The following RUFY1 variants were observed in gnomAD, a reference collection of about 807,000 sequenced individuals.
The protein encoded by RUFY1 is RUN and FYVE domain-containing protein 1.
A neutral mutation model predicts 94.6 loss-of-function variants in RUFY1; 54 were observed. That is an observed-to-expected ratio of 0.57 (90% confidence interval 0.46 to 0.72). The LOEUF (loss-of-function observed/expected upper bound fraction) is 0.72, where lower values mean the gene tolerates loss of function less well. RUFY1 is among the 30% of genes least tolerant of loss of function. RUFY1 has a pLI of 0.00. For missense variants in RUFY1, 883 were observed against 883.9 expected (o/e 1.00, Z 0.01); for synonymous variants, 396 against 347.3 (o/e 1.14, Z -1.56).
intron 1 of RUFY1, among the ~76,000 whole-genome samples, 187 bp downstream of exon 1, chr5:179,551,066 C>T (rs1378235648): frequency 1.3e-5 from 2 of 149,908 alleles, no homozygotes; most frequent in East Asian, 2.0e-4. Context: ...GACCGCCCCC[C>T]GCAGCCCCGC....
chr5:179,570,129 C>T (rs1469072594), intron 5 of RUFY1, among the ~76,000 whole-genome samples: 2 of 152,102 alleles, frequency 1.3e-5, no homozygotes, highest in Non-Finnish European at 1.5e-5. Context: ...CCACCCGCCT[C>T]GGCCTCCCAA....
chr5:179,589,420 C>T, intron 8 of RUFY1, 126 bp from the exon 9 acceptor site: 1 of 653,324 alleles, frequency 1.5e-6, no homozygotes, highest in Non-Finnish European at 2.7e-6. Context: ...CTATTGAAAA[C>T]AAGGAAATAA....
At chr5:179,572,247 G>A (rs1763278763) in intron 5 of RUFY1, 1 of 271,776 alleles carries the variant, frequency 3.7e-6, no homozygotes, top group Non-Finnish European at 7.5e-6. Context: ...GTGAAGCTGT[G>A]GGCTACAAAG....
chr5:179,571,270 A>T (rs1763205702), intron 5 of RUFY1, among the ~76,000 whole-genome samples: 1 of 152,146 alleles, frequency 6.6e-6, no homozygotes, highest in African/African-American at 2.4e-5. Context: ...CCAAGGTAGG[A>T]GGATCACTGG....
chr5:179,564,631 A>G (rs1762695284), intron 3 of RUFY1, among the ~76,000 whole-genome samples: 1 of 151,042 alleles, frequency 6.6e-6, no homozygotes, highest in Non-Finnish European at 1.5e-5. Flanking sequence ...AGATCACGCC[A>G]CCACTCCTGC....
intron 5 of RUFY1, among the ~76,000 whole-genome samples, chr5:179,573,576 G>A (rs1034396506): frequency 6.6e-6 from 1 of 151,480 alleles, no homozygotes; most frequent in Non-Finnish European, 1.5e-5. Context: ...AGGTTGAAGT[G>A]CAGTGGCATA....
At chr5:179,561,212 AAAAT>A (rs140332916) in intron 2 of RUFY1, among the ~76,000 whole-genome samples, 20,816 of 141,596 alleles carry the variant, frequency 0.15, 1,523 homozygotes, top group Middle Eastern at 0.19. Flanking sequence ...TTCCATCTCA[AAAAT>A]AAATAAATAA....
intron 6 of RUFY1, among the ~76,000 whole-genome samples, chr5:179,578,362 C>G (rs1763824238): frequency 6.6e-6 from 1 of 151,888 alleles, no homozygotes; most frequent in Non-Finnish European, 1.5e-5. Flanking sequence ...AACAGGCGTT[C>G]CCCATCATGC....
At chr5:179,565,684 C>T (rs10057868) in intron 3 of RUFY1, among the ~76,000 whole-genome samples, 62,085 of 151,870 alleles carry the variant, frequency 0.41, 13,147 homozygotes, top group East Asian at 0.73. Context: ...TTTGTTTAAC[C>T]CCGCCTTGTG....
chr5:179,603,234 C>A (rs1439415749), intron 15 of RUFY1, among the ~76,000 whole-genome samples: 1 of 150,152 alleles, frequency 6.7e-6, no homozygotes, highest in East Asian at 2.0e-4. Context: ...CACTGCACTC[C>A]AGCCTGGGCA....
rs932287425 is a variant in RUFY1, at chr5:179,556,680, T to C, written c.311-3345T>C. Reference sequence around the variant, plus strand: ...CACGCCCAGCTAAGTTTTGTATTTTTAGTAGAGACGGGTTTTACCATGTTG... The same window carrying C: ...CACGCCCAGCTAAGTTTTGTATTTTCAGTAGAGACGGGTTTTACCATGTTG... On this transcript the variant is annotated intron_variant, in intron 1 of 17. Coordinates refer to ENST00000319449, the MANE Select transcript of RUFY1 (RefSeq NM_025158.5). Among the ~76,000 whole-genome samples the C allele has an allele frequency of 8.5e-5, 13 of 152,096 alleles. No homozygotes were observed. The South Asian group carries it at 2.7e-3, about 32-fold the overall frequency.
chr5:179,552,358 C>G, intron 1 of RUFY1, among the ~76,000 whole-genome samples: 1 of 152,116 alleles, frequency 6.6e-6, no homozygotes, highest in East Asian at 1.9e-4. Flanking sequence ...AGCACACACT[C>G]GAGGCTTCCT....
At chr5:179,561,475 A>G (rs1292519303) in intron 2 of RUFY1, among the ~76,000 whole-genome samples, 1 of 151,976 alleles carries the variant, frequency 6.6e-6, no homozygotes, top group African/African-American at 2.4e-5. Flanking sequence ...TTCAGTTCTT[A>G]AAAGAATTTC....
chr5:179,585,681 C>G, intron 7 of RUFY1, 115 bp from the exon 8 acceptor site: 1 of 728,126 alleles, frequency 1.4e-6, no homozygotes, highest in South Asian at 1.7e-5. Flanking sequence ...AATTGGAGAC[C>G]CTCTGCCTTT....
In RUFY1 at chr5:179,550,760, C is replaced by T. The variant is rs745765755; in HGVS notation, c.191C>T (p.Ala64Val). The change falls in exon 1 of 18, where the codon GCG becomes GTG. Residue 64 changes from alanine to valine, a missense_variant. Ala to Val is a moderately conservative substitution (Grantham distance 64). Transcript: ENST00000319449. ...TRPRAAEGWS[A>V]PILTLARRAT... is the part of the protein sequence containing the mutation. ...CCGCGGGCGGCCGAGGGCTGGTCGG[C>T]GCCCATCCTGACCCTGGCACGCAGG... The T allele has an allele frequency of 1.9e-5, 27 of 1,430,992 alleles. No homozygotes were observed. The African/African-American group carries it at 3.7e-4, about 20-fold the overall frequency. The allele number at this position is 1,430,992 out of a possible 1,614,324, so 88.6% of individuals were successfully genotyped here. A position where few individuals can be genotyped will look rare whatever the true frequency, so the allele number is the denominator to read the frequency against.
chr5:179,573,363 T>C (rs1287355016), intron 5 of RUFY1, among the ~76,000 whole-genome samples: 2 of 152,206 alleles, frequency 1.3e-5, no homozygotes, highest in Non-Finnish European at 2.9e-5. Flanking sequence ...GCAGTGCCTA[T>C]AGTGTGTTCT....
chr5:179,585,513 A>G (rs1764535404), intron 7 of RUFY1, among the ~76,000 whole-genome samples: 1 of 152,224 alleles, frequency 6.6e-6, no homozygotes, highest in African/African-American at 2.4e-5. Context: ...CGGGAGGCAG[A>G]GGTTGCAGTG....
chr5:179,609,525 C>T lies in RUFY1; in HGVS notation c.*6C>T, dbSNP rs768462209. The T allele has an allele frequency of 8.8e-6, 14 of 1,595,576 alleles. No homozygotes were observed. The Admixed American group carries it at 1.0e-4, about 12-fold the overall frequency. On this transcript the variant is annotated 3_prime_UTR_variant, in exon 18 of 18. Coordinates refer to ENST00000319449, the MANE Select transcript of RUFY1 (RefSeq NM_025158.5). Reference sequence around the variant, plus strand: ...GCTCCTCCACGGCCTCCTGAACGTCCGTCCTCAGGAGCACAGCCTCACGGA... The same window carrying T: ...GCTCCTCCACGGCCTCCTGAACGTCTGTCCTCAGGAGCACAGCCTCACGGA...
At chr5:179,578,946 A>G (rs1244336239) in intron 6 of RUFY1, among the ~76,000 whole-genome samples, 1 of 152,136 alleles carries the variant, frequency 6.6e-6, no homozygotes, top group Non-Finnish European at 1.5e-5. Context: ...TCCCGGCCCC[A>G]TTTATGTTAT....
Sources: gnomAD v4.1 joint callset for allele counts (sites outside exome capture counted in the v4.1 genomes callset) on GRCh38, gnomAD v4.1.1 for gene constraint, MANE v1.5 for transcripts, NCBI Gene and HGNC (gene_info 2026-07-23, HGNC 2026-07-21) for gene names.